The following CDH13 variants were observed in gnomAD, a reference collection of about 807,000 sequenced individuals.
CDH13 encodes cadherin 13, also known as cadherin-13.
CDH13 carries 24 observed loss-of-function variants against 63.8 expected under a neutral mutation model. That is an observed-to-expected ratio of 0.38 (90% CI 0.27 to 0.53). The LOEUF is 0.53. Among genes scored for constraint, CDH13 ranks in the 20% least tolerant of loss-of-function variants. CDH13 has a pLI of 0.85. For missense variants in CDH13, 1,049 were observed against 903.1 expected (o/e 1.16, Z -2.07); for synonymous variants, 503 against 355.3 (o/e 1.42, Z -4.67).
chr16:83,135,318 TCCA>T (rs1204704179), intron 4 of CDH13, among the ~76,000 whole-genome samples: 4 of 152,370 alleles, frequency 2.6e-5, no homozygotes, highest in South Asian at 4.1e-4. Flanking sequence ...CAGTGATCTG[TCCA>T]CCACAACGTG....
intron 4 of CDH13, among the ~76,000 whole-genome samples, chr16:83,183,122 A>G: frequency 6.6e-6 from 1 of 152,366 alleles, no homozygotes; most frequent in East Asian, 1.9e-4. Flanking sequence ...CGGAAGAAAC[A>G]TTTAAGGGAA....
chr16:83,602,301 A>C, intron 7 of CDH13, 153 bp from the exon 8 acceptor site: 1 of 784,596 alleles, frequency 1.3e-6, no homozygotes, highest in South Asian at 1.5e-5. Flanking sequence ...AGGCACATTT[A>C]TACACAATAG....
chr16:83,353,261 A>G (rs569818998), intron 6 of CDH13, among the ~76,000 whole-genome samples: 2 of 152,170 alleles, frequency 1.3e-5, no homozygotes, highest in South Asian at 4.1e-4. Context: ...GTTGCTCCTA[A>G]CTATGTCTGA....
chr16:82,879,466 A>G (rs1158458390), intron 2 of CDH13, among the ~76,000 whole-genome samples: 1 of 145,744 alleles, frequency 6.9e-6, no homozygotes, highest in Non-Finnish European at 1.5e-5. Context: ...AATATATATT[A>G]AATAAATATA....
intron 4 of CDH13, among the ~76,000 whole-genome samples, chr16:83,147,417 A>G (rs73604251): frequency 7.9e-5 from 12 of 152,106 alleles, no homozygotes; most frequent in Admixed American, 3.3e-4. Flanking sequence ...AGTAAATCTC[A>G]ACATTCCTCA....
chr16:83,097,832 C>G (rs1021373568), intron 3 of CDH13, among the ~76,000 whole-genome samples: 1 of 152,128 alleles, frequency 6.6e-6, no homozygotes, highest in Non-Finnish European at 1.5e-5. Context: ...CCTTTAATAT[C>G]ATGCTAAGAG....
At chr16:83,517,534 C>A (rs1373093684) in intron 7 of CDH13, among the ~76,000 whole-genome samples, 1 of 144,816 alleles carries the variant, frequency 6.9e-6, no homozygotes, top group Non-Finnish European at 1.5e-5. Context: ...TCAAAAGCAG[C>A]CCTTAAATGC....
At chr16:82,886,178 A>C (rs765907823) in intron 2 of CDH13, among the ~76,000 whole-genome samples, 4 of 152,244 alleles carry the variant, frequency 2.6e-5, no homozygotes, top group Non-Finnish European at 5.9e-5. Flanking sequence ...AAACTGTTAT[A>C]GCTATTCATT....
At chr16:82,974,261 T>C (rs1056082884) in intron 2 of CDH13, among the ~76,000 whole-genome samples, 2 of 152,146 alleles carry the variant, frequency 1.3e-5, no homozygotes, top group African/African-American at 4.8e-5. Context: ...GTAAGATGCA[T>C]TCATGTCAGG....
intron 6 of CDH13, among the ~76,000 whole-genome samples, chr16:83,469,167 GGC>G (rs1260330015): frequency 1.3e-5 from 2 of 152,188 alleles, no homozygotes; most frequent in African/African-American, 4.8e-5. Flanking sequence ...CAGTTCAAGT[GGC>G]AGCTGCTAAG....
At chr16:83,102,930 CTTTTTTTTTTTCTTTTTCTTT>C (rs2034562447) in intron 3 of CDH13, among the ~76,000 whole-genome samples, 2 of 96,934 alleles carry the variant, frequency 2.1e-5, no homozygotes, top group Admixed American at 1.2e-4. Context: ...TTTTCTTTTT[CTTTTTTTTTTTCTTTTTCTTT>C]TTTTTTTTTT....
At chr16:82,892,091 A>G (rs1242253857) in intron 2 of CDH13, among the ~76,000 whole-genome samples, 2 of 152,056 alleles carry the variant, frequency 1.3e-5, no homozygotes, top group Non-Finnish European at 2.9e-5. Flanking sequence ...TTCCAACCTC[A>G]GCTCATCCCT....
chr16:82,857,047 G>C (rs181160912), intron 1 of CDH13, among the ~76,000 whole-genome samples: 1 of 152,084 alleles, frequency 6.6e-6, no homozygotes, highest in Non-Finnish European at 1.5e-5. Context: ...GACATATCTC[G>C]TACAAAGAAG....
chr16:83,051,645 C>T (rs770308041), intron 3 of CDH13, among the ~76,000 whole-genome samples: 14 of 152,202 alleles, frequency 9.2e-5, no homozygotes, highest in Non-Finnish European at 1.6e-4. Flanking sequence ...CCGGATTCTT[C>T]ACAAACATGC....
intron 5 of CDH13, among the ~76,000 whole-genome samples, chr16:83,298,341 T>C (rs2089652649): frequency 1.3e-5 from 2 of 152,126 alleles, no homozygotes; most frequent in Non-Finnish European, 2.9e-5. Context: ...ATATTATTTT[T>C]CTTAGAATGA....
intron 4 of CDH13, among the ~76,000 whole-genome samples, chr16:83,201,718 A>C (rs2039035975): frequency 6.6e-6 from 1 of 151,756 alleles, no homozygotes; most frequent in South Asian, 2.1e-4. Context: ...TAACATGGTG[A>C]AACCCCGTCT....
intron 1 of CDH13, among the ~76,000 whole-genome samples, chr16:82,640,153 T>C (rs1909210997): frequency 6.6e-6 from 1 of 152,204 alleles, no homozygotes; most frequent in African/African-American, 2.4e-5. Flanking sequence ...AACGTTCAAA[T>C]GGGGTAGAGT....
At chr16:83,288,103 C>T (rs2089368148) in intron 5 of CDH13, among the ~76,000 whole-genome samples, 1 of 152,150 alleles carries the variant, frequency 6.6e-6, no homozygotes, top group African/African-American at 2.4e-5. Context: ...GACCTTTTTG[C>T]AGTAATTGCG....
chr16:82,871,774 A>G (rs555444843), intron 2 of CDH13, among the ~76,000 whole-genome samples: 58 of 152,264 alleles, frequency 3.8e-4, no homozygotes, highest in Middle Eastern at 6.8e-3. Flanking sequence ...GATATCCTCA[A>G]TATCACCCTT....
Sources: gnomAD v4.1 joint callset for allele counts (sites outside exome capture counted in the v4.1 genomes callset) on GRCh38, gnomAD v4.1.1 for gene constraint, MANE v1.5 for transcripts, NCBI Gene and HGNC (gene_info 2026-07-23, HGNC 2026-07-21) for gene names.